Variants in WDFY3 observed in about 807,000 individuals in gnomAD.
WDFY3 encodes the protein WD repeat and FYVE domain containing 3.
Under a neutral mutation model 409.6 loss-of-function variants are expected in WDFY3, and 66 were observed. That is an observed-to-expected ratio of 0.16 (90% CI 0.13 to 0.20). The LOEUF (loss-of-function observed/expected upper bound fraction) is 0.20, where lower values mean the gene tolerates loss of function less well. Among genes scored for constraint, WDFY3 ranks in the 10% least tolerant of loss-of-function variants. The probability of loss-of-function intolerance (pLI) is 1.00; values close to 1 mark genes in which losing one functional copy is unlikely to be tolerated. For synonymous variants in WDFY3, 1,521 were observed against 1,537.1 expected (o/e 0.99, Z 0.25); for missense variants, 3,031 against 4,298.1 (o/e 0.71, Z 8.24).
At position 84,700,731 on chromosome 4, in the gene WDFY3, A is replaced by G. The variant is rs555436827; in HGVS notation, c.8596+1622T>C. ...TATCTCTTTCTTTCTGCACCTCTCC[A>G]TATTTGTCTCTTTGACAGTGGTATC... On this transcript the variant is annotated intron_variant, in intron 56 of 67. Coordinates refer to ENST00000295888, the MANE Select transcript of WDFY3 (RefSeq NM_014991.6). Among the ~76,000 whole-genome samples, 115 of 152,324 alleles carry G rather than the reference A, an allele frequency of 7.5e-4. 2 individuals are homozygous for G. The South Asian group carries it at 0.023, about 30-fold the overall frequency.
At chr4:84,808,843 G>C (rs1751983430) in intron 14 of WDFY3, 2 of 152,250 alleles carry the variant, frequency 1.3e-5, no homozygotes, top group Non-Finnish European at 2.9e-5. Context: ...GGGAAAAGCA[G>C]AAGTTTAATG....
intron 30 of WDFY3, 108 bp downstream of exon 30, chr4:84,772,727 C>T: frequency 2.3e-6 from 2 of 867,494 alleles, no homozygotes; most frequent in Non-Finnish European, 3.5e-6. Flanking sequence ...AAAAGTTATA[C>T]ATATATTATA....
At chr4:84,823,172 C>A (rs1754334206) in intron 10 of WDFY3, among the ~76,000 whole-genome samples, 1 of 152,048 alleles carries the variant, frequency 6.6e-6, no homozygotes, top group African/African-American at 2.4e-5. Context: ...AAACAAAATT[C>A]AGAAAGTGTC....
chr4:84,769,668 C>A (rs530095102), intron 30 of WDFY3, among the ~76,000 whole-genome samples: 1 of 152,044 alleles, frequency 6.6e-6, no homozygotes, highest in African/African-American at 2.4e-5. Context: ...GTGATCCACC[C>A]GCCTTGGCCT....
chr4:84,751,857 C>G, intron 35 of WDFY3, 141 bp from the exon 36 acceptor site: 1 of 847,384 alleles, frequency 1.2e-6, no homozygotes, highest in East Asian at 2.6e-5. Context: ...CTGCTTTACT[C>G]GACCCTTCCT....
intron 17 of WDFY3, among the ~76,000 whole-genome samples, chr4:84,798,728 C>T (rs1578568801): frequency 6.6e-6 from 1 of 152,114 alleles, no homozygotes; most frequent in Non-Finnish European, 1.5e-5. Context: ...TGCTATCACC[C>T]AGACCATATT....
At chr4:84,698,288 A>ATT (rs1235600917) in intron 56 of WDFY3, among the ~76,000 whole-genome samples, 18 of 146,366 alleles carry the variant, frequency 1.2e-4, no homozygotes, top group African/African-American at 4.5e-4. Context: ...ATATATATAT[A>ATT]TATTTTTTTT....
chr4:84,965,358 CACTT>C (rs1019738789), intron 1 of WDFY3, among the ~76,000 whole-genome samples: 3 of 152,178 alleles, frequency 2.0e-5, no homozygotes, highest in Non-Finnish European at 2.9e-5. Context: ...CAACAGAAAA[CACTT>C]AACCATTTTT....
At chr4:84,832,429 A>T (rs1006972442) in intron 7 of WDFY3, among the ~76,000 whole-genome samples, 2 of 152,196 alleles carry the variant, frequency 1.3e-5, no homozygotes, top group African/African-American at 4.8e-5. Context: ...TATAGAGTGA[A>T]TATTATTAAA....
At chr4:84,900,954 G>A (rs1766261768) in intron 2 of WDFY3, among the ~76,000 whole-genome samples, 1 of 152,196 alleles carries the variant, frequency 6.6e-6, no homozygotes. Context: ...TTTCCTCATG[G>A]ATCTGTAGGC....
rs141644292 is a variant in WDFY3, at chr4:84,679,274, C to T, written c.9824-32G>A. 6.1e-5 allele frequency: 89 copies of T among 1,454,382 alleles called. No individual in the cohort carries two copies. The East Asian group carries it at 1.8e-3, about 29-fold the overall frequency. 90.1% of individuals were successfully genotyped at this position (1,454,382 alleles called of 1,614,324 possible). A position where few individuals can be genotyped will look rare whatever the true frequency, so the allele number is the denominator to read the frequency against. On this transcript the variant is annotated intron_variant, in intron 64 of 67. Transcript: ENST00000295888. ...GAAGCATTGAGAGAATTGGAACATA[C>T]GGAACCATCAAAGTTACACCCAGCT...
intron 2 of WDFY3, among the ~76,000 whole-genome samples, chr4:84,917,772 G>A (rs1024860753): frequency 2.0e-5 from 3 of 151,778 alleles, no homozygotes; most frequent in African/African-American, 7.3e-5. Context: ...AAAGTCAAAA[G>A]ACAAATGAGA....
Position 84,740,305 on chromosome 4 carries a change from G to A in WDFY3, c.6346C>T (p.Leu2116=). The part of the protein sequence containing the change: ...AHKTVPQQVA[L]LDSLRVLTVN... ...GTGAGGACCCTGAGTGAATCAAGCA[G>A]AGCTACTTGCTGAGGAACGGTTTTG... The change falls in exon 39 of 68, where the codon CTG becomes TTG. Residue 2116 remains leucine (L), a synonymous_variant. Transcript: ENST00000295888. The A allele has an allele frequency of 6.2e-7, 1 of 1,614,082 alleles. No individual in the cohort carries two copies. The highest frequency in any genetic ancestry group is 8.5e-7 in the Non-Finnish European group (1 of 1,180,016).
intron 3 of WDFY3, among the ~76,000 whole-genome samples, chr4:84,861,475 TATA>T (rs1760624783): frequency 6.6e-6 from 1 of 152,176 alleles, no homozygotes; most frequent in Non-Finnish European, 1.5e-5. Context: ...GCAAATTGAA[TATA>T]ATACTATCCT....
intron 32 of WDFY3, among the ~76,000 whole-genome samples, chr4:84,762,880 G>A (rs1198454552): frequency 6.6e-6 from 1 of 152,110 alleles, no homozygotes; most frequent in Non-Finnish European, 1.5e-5. Context: ...AGGAGGCTGA[G>A]ATGGGAGGAC....
chr4:84,753,713 C>A lies in WDFY3; in HGVS notation c.5723G>T (p.Arg1908Leu). The change falls in exon 35 of 68, where the codon CGC becomes CTC. Residue 1908 changes from arginine (R) to leucine (L), a missense_variant. Coordinates refer to ENST00000295888, the MANE Select transcript of WDFY3 (RefSeq NM_014991.6). ...CTTTCCTACCATCTCTGAGTAAGGG[C>A]GAATATTGAAGGGGAAGACGGTGGC... ...LAATVFPFNI[R>L]PYSEMVTDLD... 6.3e-7 allele frequency: 1 copy of A among 1,587,076 alleles called. No individual in the cohort carries two copies. The highest frequency in any genetic ancestry group is 1.8e-5 in the Admixed American group (1 of 54,090).
rs1400778477 is a variant in WDFY3 at position 84,672,948 on chromosome 4, A to G, written c.10501T>C (p.Ser3501Pro). The change falls in exon 68 of 68, where the codon TCC becomes CCC. Residue 3501 changes from serine (S) to proline (P), a missense_variant. Ser to Pro is a moderately conservative substitution (Grantham distance 74). Around this residue, in one of 16 missense-constraint regions of WDFY3, gnomAD observed 378 missense variants for 477.3 expected, o/e 0.79. Transcript: ENST00000295888. ...CAGTTCTGACAAACACGCACCGGGGATGAGATTTTCAAGCGTTTGATTTCA... is the reference window on the plus strand; with the variant it reads ...CAGTTCTGACAAACACGCACCGGGGGTGAGATTTTCAAGCGTTTGATTTCA... Reference protein sequence around the residue: ...QSEIKRLKISSPVRVCQNCYY... With the variant: ...QSEIKRLKISPPVRVCQNCYY... 2 of 1,607,432 alleles carry G rather than the reference A, an allele frequency of 1.2e-6. No individual in the cohort carries two copies. Among genetic ancestry groups the G allele is most frequent in the East Asian group, 2.3e-5 (1 of 44,154 alleles).
chr4:84,926,864 A>T lies in WDFY3; in HGVS notation c.-132+5406T>A, dbSNP rs1770062755. The stretch of plus-strand genomic sequence containing the variant: ...TTCAACAGAGTTTTTTCTAAGAAAA[A>T]AATTATCAATTGTTCAAAGATAAGA... On this transcript the variant is annotated intron_variant, in intron 2 of 67. Coordinates refer to ENST00000295888, the MANE Select transcript of WDFY3 (RefSeq NM_014991.6). Among the ~76,000 whole-genome samples the T allele has an allele frequency of 3.3e-5, 5 of 152,344 alleles. No individual in the cohort carries two copies. In the South Asian group the frequency reaches 1.0e-3, roughly 32 times the overall value.
chr4:84,814,005 AT>A (rs1055466597), intron 13 of WDFY3, among the ~76,000 whole-genome samples: 4 of 152,220 alleles, frequency 2.6e-5, no homozygotes, highest in Non-Finnish European at 5.9e-5. Flanking sequence ...AAGAAATGCT[AT>A]TTTTTCATTA....
Sources: allele counts gnomAD v4.1 joint callset (sites outside exome capture counted in the v4.1 genomes callset), GRCh38; gene constraint gnomAD v4.1.1; regional missense constraint gnomAD v4.1.1; transcripts MANE v1.5; gene names NCBI Gene and HGNC (gene_info 2026-07-23, HGNC 2026-07-21).